BMPER: variants seen among roughly 807,000 people sequenced by gnomAD.
BMPER encodes BMP binding endothelial regulator, also known as BMP-binding endothelial regulator protein.
BMPER carries 45 observed loss-of-function variants against 87.3 expected under a neutral mutation model. The ratio of observed to expected loss-of-function variants is 0.52; its 90% CI spans 0.41 to 0.66. The LOEUF (loss-of-function observed/expected upper bound fraction) is 0.66. Among genes scored for constraint, BMPER ranks in the 30% least tolerant of loss-of-function variants. The pLI is 0.00. For synonymous variants in BMPER, 326 were observed against 316.2 expected (o/e 1.03, Z -0.33); for missense variants, 784 against 867.5 (o/e 0.90, Z 1.21).
chr7:34,097,228 C>T (rs1261419233), intron 13 of BMPER, among the ~76,000 whole-genome samples: 1 of 152,184 alleles, frequency 6.6e-6, no homozygotes, highest in Admixed American at 6.5e-5. Context: ...AATATTCCAG[C>T]CACTGAAGAC....
chr7:34,153,111 T>C lies in BMPER; in HGVS notation c.1896T>C (p.Gly632=). 1 of 1,614,036 alleles carries C rather than the reference T, an allele frequency of 6.2e-7. No homozygotes were observed. Among genetic ancestry groups the C allele is most frequent in the Non-Finnish European group, 8.5e-7 (1 of 1,179,934 alleles). The part of the protein sequence containing the change: ...QNCAATQCKH[G]AVYDTCGPGC... ...TTTCAGCCACCCAGTGTAAGCATGG[T>C]GCTGTGTACGATACCTGTGGTCCGG... Residue 632 remains glycine, a synonymous_variant, in exon 15 of 15, where the codon GGT becomes GGC. Transcript: ENST00000649409.
intron 5 of BMPER, 88 bp from the exon 6 acceptor site, chr7:33,974,614 G>A: frequency 7.7e-7 from 1 of 1,302,188 alleles, no homozygotes; most frequent in Non-Finnish European, 1.1e-6. Flanking sequence ...GTGGAGGTGG[G>A]CAACGGATGA....
intron 3 of BMPER, among the ~76,000 whole-genome samples, chr7:33,958,530 C>T (rs1314314335): frequency 6.6e-6 from 1 of 152,172 alleles, no homozygotes; most frequent in Non-Finnish European, 1.5e-5. Flanking sequence ...GCTGGAACAT[C>T]CTTTTAAAGT....
chr7:34,113,420 A>G (rs1018369450), intron 13 of BMPER, among the ~76,000 whole-genome samples: 2 of 151,998 alleles, frequency 1.3e-5, no homozygotes, highest in African/African-American at 2.4e-5. Context: ...TTGCCCCTAG[A>G]TTAAATAAAA....
chr7:33,945,537 C>G (rs1220832554), intron 3 of BMPER, among the ~76,000 whole-genome samples: 1 of 152,110 alleles, frequency 6.6e-6, no homozygotes, highest in Admixed American at 6.5e-5. Context: ...CAGCTGTAAG[C>G]CACCGTCCCT....
At chr7:34,109,878 C>G (rs1789916187) in intron 13 of BMPER, among the ~76,000 whole-genome samples, 1 of 152,168 alleles carries the variant, frequency 6.6e-6, no homozygotes, top group South Asian at 2.1e-4. Context: ...ATTCCACTTG[C>G]TCTAGCTTCT....
intron 6 of BMPER, among the ~76,000 whole-genome samples, chr7:33,977,664 A>G (rs1273954450): frequency 6.6e-6 from 1 of 152,114 alleles, no homozygotes. Flanking sequence ...ATAGAGAGAA[A>G]TATAAACATA....
At chr7:33,931,688 G>A (rs928012051) in intron 2 of BMPER, among the ~76,000 whole-genome samples, 1 of 152,096 alleles carries the variant, frequency 6.6e-6, no homozygotes, top group African/African-American at 2.4e-5. Context: ...GAATATACAC[G>A]CTGATGTGGG....
At chr7:33,914,260 C>G (rs6952495) in intron 2 of BMPER, among the ~76,000 whole-genome samples, 2 of 151,998 alleles carry the variant, frequency 1.3e-5, no homozygotes, top group African/African-American at 4.8e-5. Context: ...CCACCGCGCC[C>G]GGCCTTCAGC....
intron 6 of BMPER, among the ~76,000 whole-genome samples, chr7:33,981,823 AG>A (rs1363054959): frequency 6.6e-6 from 1 of 152,202 alleles, no homozygotes; most frequent in Admixed American, 6.5e-5. Context: ...CAGCTGCTGT[AG>A]AGCTTATGAT....
At position 33,924,662 on chromosome 7, in the gene BMPER, C is replaced by A. The variant is rs143343403; in HGVS notation, c.220-12627C>A. On this transcript the variant is annotated intron_variant, in intron 2 of 14. Coordinates refer to ENST00000649409, the MANE Select transcript of BMPER (RefSeq NM_001365308.1). ...TTAATAGAGGGTATTTTCTTTATTT[C>A]TTTCTTTCTTTTTTTGAGAGGGGAG... is the stretch of plus-strand genomic sequence containing the variant. Among the ~76,000 whole-genome samples the A allele has an allele frequency of 5.0e-3, 763 of 152,190 alleles. 3 individuals are homozygous for A. Among genetic ancestry groups the A allele is most frequent in the East Asian group, 0.014 (70 of 5,166 alleles).
At position 33,927,510 on chromosome 7, in the gene BMPER, G is replaced by A. The variant is rs569755767; in HGVS notation, c.220-9779G>A. Among the ~76,000 whole-genome samples, 10 of 152,248 alleles carry A rather than the reference G, an allele frequency of 6.6e-5. No homozygotes were observed. In the East Asian group the frequency reaches 1.9e-3, roughly 29 times the overall value. On this transcript the variant is annotated intron_variant, in intron 2 of 14. Transcript: ENST00000649409. ...GAGTCATTTCTGTGCATATTTAAAA[G>A]GTCCATTGAGTCATCTTTCTTTTGA...
chr7:34,097,106 G>A (rs933645558), intron 13 of BMPER, among the ~76,000 whole-genome samples: 1 of 152,208 alleles, frequency 6.6e-6, no homozygotes, highest in Non-Finnish European at 1.5e-5. Flanking sequence ...AACGTACTCT[G>A]CCTGGGGGCT....
chr7:34,002,188 T>C (rs923404004), intron 6 of BMPER, among the ~76,000 whole-genome samples: 1 of 151,842 alleles, frequency 6.6e-6, no homozygotes, highest in Non-Finnish European at 1.5e-5. Flanking sequence ...ACTTAATGAC[T>C]GCTCAACTTA....
At chr7:33,905,438 T>TCGCCCCCCCCCCCCCCCCCCCCCCC, upstream of BMPER, 1 of 23,006 alleles carries the variant, frequency 4.3e-5, no homozygotes, top group Non-Finnish European at 8.2e-5. Context: ...CCTTGGTCTC[T>TCGCCCCCCCCCCCCCCCCCCCCCCC]CCCCCCGCCC....
At chr7:33,974,354 A>G (rs1373810326) in intron 5 of BMPER, among the ~76,000 whole-genome samples, 1 of 151,858 alleles carries the variant, frequency 6.6e-6, no homozygotes, top group Non-Finnish European at 1.5e-5. Flanking sequence ...TTGGCCTTCC[A>G]TCTGCCTCCT....
intron 6 of BMPER, among the ~76,000 whole-genome samples, chr7:34,011,583 C>CAAAAAAAAAAAAAAAAAAA (rs36022297): frequency 1.3e-4 from 6 of 45,764 alleles, no homozygotes; most frequent in Admixed American, 2.7e-4. Context: ...TTGGTCAGGG[C>CAAAAAAAAAAAAAAAAAAA]AAAAAAAAAA....
At chr7:34,136,814 A>G (rs1032992204) in intron 13 of BMPER, among the ~76,000 whole-genome samples, 3 of 152,222 alleles carry the variant, frequency 2.0e-5, no homozygotes, top group Non-Finnish European at 2.9e-5. Context: ...AGAACGCTGG[A>G]TATCTGGCTC....
At chr7:33,999,811 C>T (rs2127934159) in intron 6 of BMPER, among the ~76,000 whole-genome samples, 1 of 152,346 alleles carries the variant, frequency 6.6e-6, no homozygotes, top group Non-Finnish European at 1.5e-5. Context: ...CCATAGAGAG[C>T]ACATCTTATC....
Sources: gnomAD v4.1 joint callset for allele counts (sites outside exome capture counted in the v4.1 genomes callset) on GRCh38, gnomAD v4.1.1 for gene constraint, MANE v1.5 for transcripts, NCBI Gene and HGNC (gene_info 2026-07-23, HGNC 2026-07-21) for gene names.